Variants in ACSL6 observed in about 807,000 individuals in gnomAD.
ACSL6 encodes acyl-CoA synthetase long chain family member 6.
A neutral mutation model predicts 98.2 loss-of-function variants in ACSL6; 47 were observed. The ratio of observed to expected loss-of-function variants is 0.48; its 90% CI spans 0.38 to 0.61. The LOEUF is 0.61. ACSL6 is among the 20% of genes least tolerant of loss of function. The probability of loss-of-function intolerance (pLI) is 0.00; values close to 1 mark genes in which losing one functional copy is unlikely to be tolerated. For missense variants in ACSL6, 761 were observed against 913.4 expected (o/e 0.83, Z 2.15); for synonymous variants, 362 against 336.9 (o/e 1.07, Z -0.82).
chr5:132,002,739 A>C (rs1470594262), intron 1 of ACSL6, among the ~76,000 whole-genome samples: 1 of 152,142 alleles, frequency 6.6e-6, no homozygotes, highest in Non-Finnish European at 1.5e-5. Flanking sequence ...TCACAGGAAG[A>C]GCCTGTAAGA....
chr5:132,010,926 A>G (rs1755686892), intron 1 of ACSL6, among the ~76,000 whole-genome samples: 1 of 152,046 alleles, frequency 6.6e-6, no homozygotes, highest in Non-Finnish European at 1.5e-5. Flanking sequence ...GGTGGAGGGG[A>G]GGGGTCTGGA....
intron 14 of ACSL6, among the ~76,000 whole-genome samples, chr5:131,970,611 G>A (rs1367296637): frequency 2.6e-5 from 4 of 152,014 alleles, no homozygotes; most frequent in Admixed American, 6.5e-5. Context: ...GGGTTTCATC[G>A]TGTTAGCCAG....
chr5:131,972,055 A>G (rs1294610690), intron 13 of ACSL6, among the ~76,000 whole-genome samples: 2 of 152,222 alleles, frequency 1.3e-5, no homozygotes, highest in Non-Finnish European at 2.9e-5. Context: ...TTTTTCATGT[A>G]TAAATCAATA....
intron 7 of ACSL6, 119 bp from the exon 8 acceptor site, chr5:131,986,973 CCACACACTCACACA>C (rs1274821496): frequency 2.2e-3 from 1,730 of 784,094 alleles, no homozygotes; most frequent in Non-Finnish European, 2.8e-3. Context: ...ACACACATAC[CCACACACTCACACA>C]CACACACACA....
At chr5:131,997,399 A>G (rs1238094493) in intron 1 of ACSL6, among the ~76,000 whole-genome samples, 1 of 152,012 alleles carries the variant, frequency 6.6e-6, no homozygotes, top group East Asian at 1.9e-4. Flanking sequence ...TGGTATGGCC[A>G]CCCCAACCCC....
chr5:131,957,508 G>A (rs958766118), intron 20 of ACSL6, among the ~76,000 whole-genome samples: 4 of 152,202 alleles, frequency 2.6e-5, no homozygotes, highest in African/African-American at 4.8e-5. Context: ...TCTAGGAATT[G>A]TCTGTTCTTG....
Position 132,011,565 on chromosome 5 carries a change from G to GGGCCCGGCCC in ACSL6, c.-22_-13dup, listed in dbSNP as rs745965338. 15 of 1,573,742 alleles carry GGGCCCGGCCC rather than the reference G, an allele frequency of 9.5e-6. 1 individual carries two copies. The highest frequency in any genetic ancestry group is 3.4e-5 in the South Asian group (3 of 87,666). On this transcript the variant is annotated 5_prime_UTR_variant, in exon 1 of 21. Coordinates refer to ENST00000651883, the MANE Select transcript of ACSL6 (RefSeq NM_001009185.3). This position sits in a 1 kb window ranked among gnomAD's most constrained non-coding sequence, Gnocchi z 5.4. Reference sequence around the variant, plus strand: ...AAGAAGGTCAGCATGGCGGTCAGCGGGGCCCGGCCCGGCCCGGCCCGGCCT... The same window carrying GGGCCCGGCCC: ...AAGAAGGTCAGCATGGCGGTCAGCGGGGCCCGGCCCGGCCCGGCCCGGCCCGGCCCGGCCT...
intron 17 of ACSL6, among the ~76,000 whole-genome samples, chr5:131,964,606 T>C (rs1159529269): frequency 1.3e-5 from 2 of 152,170 alleles, no homozygotes; most frequent in African/African-American, 2.4e-5. Flanking sequence ...TTCAAGCTTT[T>C]ACAATATTGA....
At chr5:131,961,568 G>C (rs1010067853) in intron 18 of ACSL6, among the ~76,000 whole-genome samples, 1 of 151,482 alleles carries the variant, frequency 6.6e-6, no homozygotes, top group Non-Finnish European at 1.5e-5. Flanking sequence ...GTGGTGGTGG[G>C]CGCCTGTAGT....
chr5:132,010,129 C>T (rs908430251), intron 1 of ACSL6, among the ~76,000 whole-genome samples: 15 of 152,218 alleles, frequency 9.9e-5, no homozygotes, highest in African/African-American at 3.4e-4. Flanking sequence ...CCAGAGTGCC[C>T]CTGCACAGCC....
At chr5:131,978,759 G>C (rs1166675195) in intron 9 of ACSL6, among the ~76,000 whole-genome samples, 1 of 152,180 alleles carries the variant, frequency 6.6e-6, no homozygotes, top group African/African-American at 2.4e-5. Flanking sequence ...GGCACGAATG[G>C]AGATAAAAAT....
chr5:131,985,569 G>A (rs1386600919), intron 8 of ACSL6, 111 bp from the exon 9 acceptor site: 3 of 1,135,312 alleles, frequency 2.6e-6, no homozygotes, highest in East Asian at 2.5e-5. Context: ...GTATGTGGGT[G>A]TGAGCATGTG....
intron 15 of ACSL6, chr5:131,968,356 T>C (rs1753129843): frequency 4.6e-6 from 1 of 218,466 alleles, no homozygotes; most frequent in African/African-American, 2.3e-5. Context: ...TTTTTGAAAA[T>C]GGTGGCCACA....
At chr5:131,997,528 G>A (rs778216144) in intron 1 of ACSL6, among the ~76,000 whole-genome samples, 4 of 152,216 alleles carry the variant, frequency 2.6e-5, no homozygotes, top group Non-Finnish European at 5.9e-5. Context: ...GCTGGGGGAA[G>A]TGCAGGGCCA....
chr5:131,982,129 G>GGCGTGAGCC (rs1753931599), intron 9 of ACSL6: 1 of 119,562 alleles, frequency 8.4e-6, no homozygotes, highest in Admixed American at 8.8e-5. Flanking sequence ...GTGCTGGGAA[G>GGCGTGAGCC]ACCAGTCTTT....
chr5:131,977,851 C>T (rs1019409678), intron 9 of ACSL6, among the ~76,000 whole-genome samples: 7 of 152,170 alleles, frequency 4.6e-5, no homozygotes, highest in East Asian at 1.9e-4. Flanking sequence ...TGAAATTTGC[C>T]TCAATGAGGG....
intron 7 of ACSL6, among the ~76,000 whole-genome samples, 178 bp from the exon 8 acceptor site, chr5:131,987,032 G>A (rs913814726): frequency 6.6e-6 from 1 of 151,850 alleles, no homozygotes; most frequent in Non-Finnish European, 1.5e-5. Flanking sequence ...CAGCTCAGTA[G>A]GCCTTACTCC....
At chr5:132,000,238 A>G (rs1330962620) in intron 1 of ACSL6, among the ~76,000 whole-genome samples, 1 of 151,976 alleles carries the variant, frequency 6.6e-6, no homozygotes, top group Non-Finnish European at 1.5e-5. Flanking sequence ...GAGTGAGGAC[A>G]CTCTGGACCA....
intron 19 of ACSL6, 37 bp downstream of exon 19, chr5:131,960,483 T>G: frequency 6.4e-7 from 1 of 1,562,416 alleles, no homozygotes; most frequent in Non-Finnish European, 8.7e-7. Context: ...CATAAAACAT[T>G]CAGTAACCTT....
Sources: allele counts gnomAD v4.1 joint callset (sites outside exome capture counted in the v4.1 genomes callset), GRCh38; gene constraint gnomAD v4.1.1; non-coding constraint Gnocchi (gnomAD v3.1); transcripts MANE v1.5; gene names NCBI Gene and HGNC (gene_info 2026-07-23, HGNC 2026-07-21).